GRB10: variants seen among roughly 807,000 people sequenced by gnomAD.
The protein encoded by GRB10 is growth factor receptor-bound protein 10.
Under a neutral mutation model 80.9 loss-of-function variants are expected in GRB10, and 20 were observed. The ratio of observed to expected loss-of-function variants is 0.25; its 90% CI spans 0.17 to 0.36. The LOEUF (loss-of-function observed/expected upper bound fraction) is 0.36, where lower values mean the gene tolerates loss of function less well. Among genes scored for constraint, GRB10 ranks in the 10% least tolerant of loss-of-function variants. The probability of loss-of-function intolerance (pLI) is 1.00; values close to 1 mark genes in which losing one functional copy is unlikely to be tolerated. For synonymous variants in GRB10, 291 were observed against 291.5 expected (o/e 1.00, Z 0.02); for missense variants, 548 against 747.7 (o/e 0.73, Z 3.12).
chr7:50,743,325 C>T lies in GRB10; in HGVS notation c.-46-10957G>A, dbSNP rs147554751. Among the ~76,000 whole-genome samples the T allele has an allele frequency of 4.7e-3, 715 of 152,336 alleles. 2 individuals are homozygous for T. Among genetic ancestry groups the T allele is most frequent in the Non-Finnish European group, 7.6e-3 (518 of 68,030 alleles). On this transcript the variant is annotated intron_variant, in intron 3 of 18. Coordinates refer to ENST00000401949, the MANE Select transcript of GRB10 (RefSeq NM_001350814.2). Reference sequence around the variant, plus strand: ...ATATTCTATTCAAGCATCTACAGTTCCTTCCACTTCAGTAGTCTGGTCAGC... The same window carrying T: ...ATATTCTATTCAAGCATCTACAGTTTCTTCCACTTCAGTAGTCTGGTCAGC...
intron 7 of GRB10, among the ~76,000 whole-genome samples, chr7:50,669,272 A>G (rs1332327327): frequency 1.3e-5 from 2 of 152,260 alleles, no homozygotes; most frequent in Non-Finnish European, 2.9e-5. Flanking sequence ...TACAAGAATC[A>G]TGGTGCGGGC....
chr7:50,645,701 C>T, intron 7 of GRB10: 1 of 782,292 alleles, frequency 1.3e-6, no homozygotes, highest in Non-Finnish European at 1.6e-6. Flanking sequence ...TGTCCATTTG[C>T]TCCCAGACAG....
intron 4 of GRB10, among the ~76,000 whole-genome samples, chr7:50,724,410 A>T (rs943566371): frequency 6.6e-6 from 1 of 152,246 alleles, no homozygotes; most frequent in Admixed American, 6.5e-5. Flanking sequence ...TCAAATTGCT[A>T]TAAAATCTCT....
chr7:50,675,006 C>T (rs940995514), intron 5 of GRB10, among the ~76,000 whole-genome samples: 2 of 152,162 alleles, frequency 1.3e-5, no homozygotes, highest in African/African-American at 4.8e-5. Flanking sequence ...CTGCATAGCA[C>T]GACCCCACTG....
chr7:50,645,632 C>A, intron 7 of GRB10: 1 of 985,390 alleles, frequency 1.0e-6, no homozygotes, highest in African/African-American at 1.7e-5. Flanking sequence ...TTCTCAGACT[C>A]CAAGAGGTCT....
chr7:50,785,290 A>G (rs1389308723), upstream of GRB10, among the ~76,000 whole-genome samples: 2 of 152,238 alleles, frequency 1.3e-5, no homozygotes, highest in African/African-American at 4.8e-5. Flanking sequence ...AAGACCCCAG[A>G]CAGCTAAGCG....
At position 50,592,458 on chromosome 7, in the gene GRB10, T is replaced by C. The variant is rs1286074785; in HGVS notation, c.*494A>G. The C allele has an allele frequency of 5.6e-6, 1 of 179,470 alleles. No homozygotes were observed. The highest frequency in any genetic ancestry group is 1.2e-5 in the Non-Finnish European group (1 of 83,874). The allele number at this position is 179,470 out of a possible 1,614,324, so 11.1% of individuals were successfully genotyped here. A position where few individuals can be genotyped will look rare whatever the true frequency, so the allele number is the denominator to read the frequency against. On this transcript the variant is annotated 3_prime_UTR_variant, in exon 19 of 19. Coordinates refer to ENST00000401949, the MANE Select transcript of GRB10 (RefSeq NM_001350814.2). ...GGGGACCCATATTCAGTTTGAAATC[T>C]GCCCATTCAAAACTCTTTCTGTATT...
intron 7 of GRB10, among the ~76,000 whole-genome samples, chr7:50,660,789 C>G (rs796682249): frequency 6.6e-6 from 1 of 152,024 alleles, no homozygotes. Context: ...CTCTTGCGTG[C>G]GTGAAGCCAC....
At chr7:50,789,165 C>T (rs996598163) in intron 1 of GRB10, among the ~76,000 whole-genome samples, 4 of 152,186 alleles carry the variant, frequency 2.6e-5, no homozygotes, top group African/African-American at 4.8e-5. Flanking sequence ...GCTCAAAGAA[C>T]ATTCAGATAA....
chr7:50,622,172 G>A (rs920853185), intron 8 of GRB10, among the ~76,000 whole-genome samples: 2 of 152,234 alleles, frequency 1.3e-5, no homozygotes, highest in African/African-American at 4.8e-5. Context: ...CAGTGAGATA[G>A]CCCTGACGTG....
chr7:50,722,848 A>G (rs1231689274), intron 4 of GRB10, among the ~76,000 whole-genome samples: 1 of 151,996 alleles, frequency 6.6e-6, no homozygotes, highest in African/African-American at 2.4e-5. Flanking sequence ...TTTTAATCCC[A>G]TTTCACCCAC....
chr7:50,744,170 T>C (rs952941824), intron 3 of GRB10, among the ~76,000 whole-genome samples: 2 of 151,684 alleles, frequency 1.3e-5, no homozygotes, highest in Non-Finnish European at 2.9e-5. Flanking sequence ...GCCTCAATCG[T>C]AGAGATTAGG....
At chr7:50,784,879 C>T (rs184192981), upstream of GRB10, among the ~76,000 whole-genome samples, 7 of 152,220 alleles carry the variant, frequency 4.6e-5, no homozygotes, top group Non-Finnish European at 8.8e-5. Flanking sequence ...AAATGGGAAA[C>T]GTAGAGTCCA....
intron 2 of GRB10, among the ~76,000 whole-genome samples, chr7:50,776,548 AT>A (rs2077676156): frequency 6.6e-6 from 1 of 152,090 alleles, no homozygotes; most frequent in Admixed American, 6.5e-5. Context: ...TATAAATTCC[AT>A]TTTCAATTCA....
At chr7:50,738,279 T>C (rs1262377563) in intron 3 of GRB10, among the ~76,000 whole-genome samples, 1 of 152,246 alleles carries the variant, frequency 6.6e-6, no homozygotes, top group African/African-American at 2.4e-5. Flanking sequence ...ACTCCACTTC[T>C]AAGCATATAA....
intron 7 of GRB10, among the ~76,000 whole-genome samples, chr7:50,661,165 C>A (rs544348694): frequency 1.2e-4 from 19 of 152,244 alleles, no homozygotes; most frequent in Non-Finnish European, 2.8e-4. Context: ...ACAACCTGCA[C>A]TGGGAGGCCA....
rs748321801 is a variant in GRB10 at position 50,627,027 on chromosome 7, A to G, written c.505-49T>C. ...TACAGATAAACAACTTCGGGCTTTC[A>G]AGAAATAAAAACTGAAACAAAAGAA... is the stretch of plus-strand genomic sequence containing the variant. On this transcript the variant is annotated intron_variant, in intron 7 of 18. Coordinates refer to ENST00000401949, the MANE Select transcript of GRB10 (RefSeq NM_001350814.2). 4 of 1,581,544 alleles carry G rather than the reference A, an allele frequency of 2.5e-6. No individual in the cohort carries two copies. In the African/African-American group the frequency reaches 4.0e-5, roughly 16 times the overall value.
At chr7:50,692,130 T>G (rs1388974510) in intron 5 of GRB10, among the ~76,000 whole-genome samples, 2 of 152,182 alleles carry the variant, frequency 1.3e-5, no homozygotes, top group East Asian at 1.9e-4. Flanking sequence ...GCATTTACAT[T>G]GCATTAAGTA....
chr7:50,754,729 G>T (rs1192228831), intron 3 of GRB10, among the ~76,000 whole-genome samples: 1 of 152,122 alleles, frequency 6.6e-6, no homozygotes, highest in Non-Finnish European at 1.5e-5. Context: ...GAAGGTGACC[G>T]GCAGTACCCA....
Sources: allele counts gnomAD v4.1 joint callset (sites outside exome capture counted in the v4.1 genomes callset), GRCh38; gene constraint gnomAD v4.1.1; transcripts MANE v1.5; gene names NCBI Gene and HGNC (gene_info 2026-07-23, HGNC 2026-07-21).